Variants in PUM1 observed in about 807,000 individuals in gnomAD.
The protein encoded by PUM1 is pumilio homolog 1.
In PUM1, 13 loss-of-function variants were observed where a neutral mutation model predicts 131.8. The ratio of observed to expected loss-of-function variants is 0.10; its 90% CI spans 0.06 to 0.16. The LOEUF (loss-of-function observed/expected upper bound fraction) is 0.16, where lower values mean the gene tolerates loss of function less well. Ranked by LOEUF, PUM1 falls within the 10% of genes least tolerant of loss-of-function variation. PUM1 has a pLI of 1.00. For synonymous variants in PUM1, 509 were observed against 556.5 expected, an observed-to-expected ratio of 0.91 and a Z score of 1.20; for missense variants, 961 against 1,512.4, an observed-to-expected ratio of 0.64 and a Z score of 6.05.
intron 2 of PUM1, among the ~76,000 whole-genome samples, chr1:31,051,865 G>A (rs1000118219): frequency 1.3e-5 from 2 of 151,874 alleles, no homozygotes; most frequent in East Asian, 3.9e-4. Flanking sequence ...CTATCCCACA[G>A]CAGTTTACAG....
intron 18 of PUM1, 72 bp from the exon 19 acceptor site, chr1:30,942,195 A>T (rs541870751): frequency 4.8e-3 from 95 of 19,672 alleles, no homozygotes; most frequent in South Asian, 0.024. Context: ...TATTGTTTAT[A>T]TATATATATA....
chr1:31,021,647 G>A (rs1226140007), intron 3 of PUM1, among the ~76,000 whole-genome samples: 1 of 152,138 alleles, frequency 6.6e-6, no homozygotes, highest in Non-Finnish European at 1.5e-5. Context: ...GCATGCAAAA[G>A]ATAAAGCCCA....
intron 7 of PUM1, among the ~76,000 whole-genome samples, chr1:30,983,589 C>A (rs1340721828): frequency 6.6e-6 from 1 of 150,384 alleles, no homozygotes; most frequent in Non-Finnish European, 1.5e-5. Context: ...TCTGACTTAA[C>A]CTCACTTCAT....
At chr1:31,038,429 C>G (rs1483944983) in intron 2 of PUM1, among the ~76,000 whole-genome samples, 1 of 152,180 alleles carries the variant, frequency 6.6e-6, no homozygotes, top group Admixed American at 6.6e-5. Context: ...ACACTACTTT[C>G]TACACTCTCC....
chr1:31,023,409 C>A (rs1449912647), intron 3 of PUM1, among the ~76,000 whole-genome samples: 4 of 152,276 alleles, frequency 2.6e-5, no homozygotes, highest in Admixed American at 2.6e-4. Flanking sequence ...TAAGGTAGCC[C>A]TCCCAGAGCT....
In PUM1 at chr1:30,958,768, G is replaced by A. The variant is rs559442210; in HGVS notation, c.2324-4787C>T. Among the ~76,000 whole-genome samples, 8 of 152,214 alleles carry A rather than the reference G, an allele frequency of 5.3e-5. No homozygotes were observed. The South Asian group carries it at 1.7e-3, about 32-fold the overall frequency. On this transcript the variant is annotated intron_variant, in intron 14 of 21. Coordinates refer to ENST00000426105, the MANE Select transcript of PUM1 (RefSeq NM_001020658.2). ...TAACCCACATATAAACCACAAATGA[G>A]AGTTACAGATCTAGTTGTTAAGAAA... is the stretch of plus-strand genomic sequence containing the variant.
intron 3 of PUM1, among the ~76,000 whole-genome samples, chr1:31,007,484 C>T (rs1302684266): frequency 2.0e-5 from 3 of 152,196 alleles, no homozygotes; most frequent in Non-Finnish European, 2.9e-5. Flanking sequence ...ACTATTAAAA[C>T]ACTTCTCTCT....
chr1:31,038,321 A>T (rs1643685003), intron 2 of PUM1, among the ~76,000 whole-genome samples: 1 of 151,980 alleles, frequency 6.6e-6, no homozygotes, highest in African/African-American at 2.4e-5. Context: ...AAGGGGGAAA[A>T]ACTTTAACCT....
intron 2 of PUM1, among the ~76,000 whole-genome samples, chr1:31,039,283 A>T (rs1291024571): frequency 6.6e-6 from 1 of 150,484 alleles, no homozygotes; most frequent in Non-Finnish European, 1.5e-5. Flanking sequence ...CAGTGGCACG[A>T]TCTCAGCTCA....
chr1:31,032,494 A>G (rs552239180), intron 2 of PUM1, among the ~76,000 whole-genome samples: 1 of 151,904 alleles, frequency 6.6e-6, no homozygotes, highest in South Asian at 2.1e-4. Flanking sequence ...TTTGAGTCTC[A>G]GGTTAATGTT....
rs181726101 is a variant in PUM1, at chr1:30,949,855, A to G, written c.2856+272T>C. Among the ~76,000 whole-genome samples the G allele has an allele frequency of 5.9e-5, 9 of 151,266 alleles. No individual in the cohort carries two copies. In the East Asian group the frequency reaches 1.6e-3, roughly 26 times the overall value. ...AGTATTTTACCTGCTTTATTCATGG[A>G]AAAAAAAACCACCTATAAAATTGAA... On this transcript the variant is annotated intron_variant, in intron 17 of 21. Coordinates refer to ENST00000426105, the MANE Select transcript of PUM1 (RefSeq NM_001020658.2).
intron 17 of PUM1, among the ~76,000 whole-genome samples, chr1:30,946,296 A>G (rs1639666591): frequency 6.6e-6 from 1 of 151,716 alleles, no homozygotes; most frequent in Non-Finnish European, 1.5e-5. Flanking sequence ...CATTTACAGT[A>G]CCCTAGAGTT....
At chr1:31,030,860 G>A (rs190629470) in intron 2 of PUM1, among the ~76,000 whole-genome samples, 2 of 152,280 alleles carry the variant, frequency 1.3e-5, no homozygotes, top group Admixed American at 1.3e-4. Flanking sequence ...CCAATACTAT[G>A]CTACAAATGA....
chr1:31,057,618 G>C (rs1022784099), intron 2 of PUM1, among the ~76,000 whole-genome samples: 1 of 150,276 alleles, frequency 6.7e-6, no homozygotes, highest in African/African-American at 2.5e-5. Flanking sequence ...CCAGCTACTC[G>C]GGAAGGTAAG....
chr1:30,933,078 G>T lies in PUM1; in HGVS notation c.*133C>A. 2.7e-6 allele frequency: 3 copies of T among 1,113,670 alleles called. No homozygotes were observed. The highest frequency in any genetic ancestry group is 3.8e-6 in the Non-Finnish European group (3 of 796,752). 69.0% of individuals were successfully genotyped at this position (1,113,670 alleles called of 1,614,324 possible). A position where few individuals can be genotyped will look rare whatever the true frequency, so the allele number is the denominator to read the frequency against. Reference sequence around the variant, plus strand: ...CACTCGTGGATTTGATTCCTTTTTTGGAGGAGGGAGTAATCCTGGAGCAAC... The same window carrying T: ...CACTCGTGGATTTGATTCCTTTTTTTGAGGAGGGAGTAATCCTGGAGCAAC... On this transcript the variant is annotated 3_prime_UTR_variant, in exon 22 of 22. Transcript: ENST00000426105.
chr1:31,001,628 A>G (rs1239807837), intron 5 of PUM1, among the ~76,000 whole-genome samples: 2 of 152,172 alleles, frequency 1.3e-5, no homozygotes, highest in African/African-American at 2.4e-5. Flanking sequence ...TATCTACCTC[A>G]AAGTGTTGTT....
rs11325891 is a variant in PUM1, at chr1:30,961,346, C to CA, written c.2323+3327dup. The stretch of plus-strand genomic sequence containing the variant: ...CCAACATAGCAAGACTTAGTTTCTA[C>CA]AAAAAAAAAAAAAAAAAAATTATTT... On this transcript the variant is annotated intron_variant, in intron 14 of 21. Coordinates refer to ENST00000426105, the MANE Select transcript of PUM1 (RefSeq NM_001020658.2). Among the ~76,000 whole-genome samples, 703 of 87,890 alleles carry CA rather than the reference C, an allele frequency of 8.0e-3. 3 individuals are homozygous for CA. The highest frequency in any genetic ancestry group is 0.014 in the Middle Eastern group (2 of 138). The allele number at this position is 87,890 out of a possible 152,430, so 57.7% of individuals were successfully genotyped here. A position where few individuals can be genotyped will look rare whatever the true frequency, so the allele number is the denominator to read the frequency against.
At chr1:30,967,369 C>A in intron 11 of PUM1, 59 bp from the exon 12 acceptor site, 1 of 1,524,822 alleles carries the variant, frequency 6.6e-7, no homozygotes, top group Non-Finnish European at 9.1e-7. Context: ...ATCTCCTGGG[C>A]ACCAACATAT....
At chr1:30,971,180 T>C (rs1204248818) in intron 10 of PUM1, among the ~76,000 whole-genome samples, 1 of 152,196 alleles carries the variant, frequency 6.6e-6, no homozygotes, top group Non-Finnish European at 1.5e-5. Flanking sequence ...AAAACTATCC[T>C]AGAACAGTCA....
Sources: allele counts gnomAD v4.1 joint callset (sites outside exome capture counted in the v4.1 genomes callset), GRCh38; gene constraint gnomAD v4.1.1; transcripts MANE v1.5; gene names NCBI Gene and HGNC (gene_info 2026-07-23, HGNC 2026-07-21).